The following ST6GAL1 variants were observed in gnomAD, a reference collection of about 807,000 sequenced individuals.
ST6GAL1 encodes the protein ST6 beta-galactoside alpha-2,6-sialyltransferase 1.
A neutral mutation model predicts 38.0 loss-of-function variants in ST6GAL1; 20 were observed. The ratio of observed to expected loss-of-function variants is 0.53; its 90% confidence interval spans 0.37 to 0.77. The LOEUF is 0.77. ST6GAL1 is among the 30% of genes least tolerant of loss of function. ST6GAL1 has a pLI of 0.00. For synonymous variants in ST6GAL1, 196 were observed against 188.2 expected, an observed-to-expected ratio of 1.04 and a Z score of -0.34; for missense variants, 432 against 496.4, an observed-to-expected ratio of 0.87 and a Z score of 1.23.
intron 2 of ST6GAL1, among the ~76,000 whole-genome samples, chr3:187,031,528 C>T (rs79604258): frequency 3.3e-5 from 5 of 150,700 alleles, no homozygotes; most frequent in South Asian, 2.1e-4. Context: ...CTCCACCTCC[C>T]GGGTTCAAGT....
intron 4 of ST6GAL1, among the ~76,000 whole-genome samples, chr3:187,050,521 T>C (rs1370624612): frequency 8.2e-6 from 1 of 122,354 alleles, no homozygotes; most frequent in Non-Finnish European, 1.7e-5. Flanking sequence ...TTTCTGACAA[T>C]GGCTTACAAA....
intron 1 of ST6GAL1, among the ~76,000 whole-genome samples, chr3:186,959,413 A>G (rs191728436): frequency 1.3e-5 from 2 of 152,238 alleles, no homozygotes; most frequent in East Asian, 1.9e-4. Flanking sequence ...AGCTCTTGTC[A>G]CCTCATCTGA....
In ST6GAL1 at chr3:187,005,126, A is replaced by ATTAATTTGTTTCAAATTAAT. The variant is rs1716739075; in HGVS notation, c.-182-33616_-182-33615insTTAATTTGTTTCAAATTAAT. On this transcript the variant is annotated intron_variant, in intron 2 of 7. Coordinates refer to ENST00000169298, the MANE Select transcript of ST6GAL1 (RefSeq NM_173216.2). Reference sequence around the variant, plus strand: ...TGAAACATTTATTAATGAAATGATGAGTTCAGGATTTGTTTCAAAATCTAG... The same window carrying ATTAATTTGTTTCAAATTAAT: ...TGAAACATTTATTAATGAAATGATGATTAATTTGTTTCAAATTAATGTTCAGGATTTGTTTCAAAATCTAG... Among the ~76,000 whole-genome samples, 8 of 152,058 alleles carry ATTAATTTGTTTCAAATTAAT rather than the reference A, an allele frequency of 5.3e-5. No individual in the cohort carries two copies. The South Asian group carries it at 1.7e-3, about 32-fold the overall frequency.
intron 5 of ST6GAL1, among the ~76,000 whole-genome samples, chr3:187,065,072 G>A (rs902629039): frequency 1.3e-5 from 2 of 151,056 alleles, no homozygotes; most frequent in African/African-American, 2.4e-5. Context: ...GTGCACTCTC[G>A]GCTCCCTGCT....
intron 3 of ST6GAL1, among the ~76,000 whole-genome samples, chr3:187,039,705 A>G (rs1478245554): frequency 1.3e-5 from 2 of 152,210 alleles, no homozygotes; most frequent in Non-Finnish European, 2.9e-5. Context: ...CGGTTGCGCC[A>G]TTTAGAGAAA....
At chr3:187,003,614 C>T (rs1716691540) in intron 2 of ST6GAL1, among the ~76,000 whole-genome samples, 2 of 152,088 alleles carry the variant, frequency 1.3e-5, no homozygotes, top group Admixed American at 1.3e-4. Context: ...ATTAAATTTG[C>T]TTCTTGGCAT....
At chr3:187,009,167 A>G (rs1344572412) in intron 2 of ST6GAL1, among the ~76,000 whole-genome samples, 1 of 148,002 alleles carries the variant, frequency 6.8e-6, no homozygotes, top group Non-Finnish European at 1.5e-5. Flanking sequence ...TAGTTTTATA[A>G]TATTCTTTAT....
intron 2 of ST6GAL1, among the ~76,000 whole-genome samples, chr3:186,975,947 T>C (rs1380139068): frequency 6.6e-6 from 1 of 152,178 alleles, no homozygotes; most frequent in Non-Finnish European, 1.5e-5. Context: ...TGGGACTGTT[T>C]CTTCTGAGGA....
At chr3:186,959,159 G>A (rs1714849183) in intron 1 of ST6GAL1, among the ~76,000 whole-genome samples, 1 of 152,124 alleles carries the variant, frequency 6.6e-6, no homozygotes, top group Non-Finnish European at 1.5e-5. Flanking sequence ...TTTGCATATG[G>A]CAATGGCAGA....
intron 1 of ST6GAL1, among the ~76,000 whole-genome samples, chr3:186,934,521 C>T (rs1390430761): frequency 1.4e-5 from 2 of 144,866 alleles, no homozygotes; most frequent in East Asian, 3.9e-4. Flanking sequence ...GCGATCTCAC[C>T]ACTGTACTCC....
intron 1 of ST6GAL1, among the ~76,000 whole-genome samples, chr3:186,944,849 G>A (rs181952665): frequency 0.094 from 14,237 of 152,254 alleles, 814 homozygotes; most frequent in Non-Finnish European, 0.14. Context: ...TAGTCACATA[G>A]ATAGACACAC....
At chr3:186,995,183 T>C (rs1052710756) in intron 2 of ST6GAL1, among the ~76,000 whole-genome samples, 3 of 151,704 alleles carry the variant, frequency 2.0e-5, no homozygotes, top group African/African-American at 7.3e-5. Context: ...CCAGATAAAA[T>C]CCAAGTGCAA....
chr3:187,011,524 A>G (rs1299035149), intron 2 of ST6GAL1, among the ~76,000 whole-genome samples: 2 of 152,168 alleles, frequency 1.3e-5, no homozygotes, highest in Non-Finnish European at 2.9e-5. Flanking sequence ...CATTCTGAAA[A>G]TGGTAGCTTT....
At chr3:186,966,845 G>A (rs16861388) in intron 2 of ST6GAL1, among the ~76,000 whole-genome samples, 5,523 of 152,262 alleles carry the variant, frequency 0.036, 136 homozygotes, top group East Asian at 0.063. Context: ...CCCGGGGAGC[G>A]CACAAAGACA....
chr3:186,932,424 A>G (rs982772505), intron 1 of ST6GAL1, among the ~76,000 whole-genome samples: 1 of 152,258 alleles, frequency 6.6e-6, no homozygotes, highest in African/African-American at 2.4e-5. Flanking sequence ...AACAAAGAGT[A>G]ATTCAAATAG....
At chr3:186,941,254 G>A (rs1344702792) in intron 1 of ST6GAL1, among the ~76,000 whole-genome samples, 1 of 152,180 alleles carries the variant, frequency 6.6e-6, no homozygotes, top group Non-Finnish European at 1.5e-5. Context: ...GGTAGGGAGG[G>A]AGGAGAGAGA....
At chr3:187,023,533 C>T (rs1717402876) in intron 2 of ST6GAL1, among the ~76,000 whole-genome samples, 1 of 152,162 alleles carries the variant, frequency 6.6e-6, no homozygotes, top group African/African-American at 2.4e-5. Context: ...TGCACATATA[C>T]ACCATGGAAT....
intron 2 of ST6GAL1, among the ~76,000 whole-genome samples, chr3:186,998,195 G>C (rs1217258474): frequency 6.6e-6 from 1 of 152,168 alleles, no homozygotes; most frequent in Admixed American, 6.5e-5. Context: ...CTGTGCAGTT[G>C]AAAGTCCATG....
At chr3:186,979,427 C>T (rs1339126439) in intron 2 of ST6GAL1, among the ~76,000 whole-genome samples, 1 of 152,134 alleles carries the variant, frequency 6.6e-6, no homozygotes, top group Non-Finnish European at 1.5e-5. Context: ...AGGCCAGACT[C>T]AAACTCTGTG....
Sources: gnomAD v4.1 joint callset for allele counts (sites outside exome capture counted in the v4.1 genomes callset) on GRCh38, gnomAD v4.1.1 for gene constraint, MANE v1.5 for transcripts, NCBI Gene and HGNC (gene_info 2026-07-23, HGNC 2026-07-21) for gene names.